The following SRGAP1 variants were observed in gnomAD, a reference collection of about 807,000 sequenced individuals.
SRGAP1 encodes SLIT-ROBO Rho GTPase activating protein 1.
Under a neutral mutation model 121.9 loss-of-function variants are expected in SRGAP1, and 43 were observed. The observed-to-expected ratio is 0.35, with a 90% CI of 0.28 to 0.46. The LOEUF (loss-of-function observed/expected upper bound fraction) is 0.46, where lower values mean the gene tolerates loss of function less well. SRGAP1 is among the 20% of genes least tolerant of loss of function. SRGAP1 has a pLI of 1.00. For missense variants in SRGAP1, 1,102 were observed against 1,350.9 expected (o/e 0.82, Z 2.89); for synonymous variants, 447 against 485.4 (o/e 0.92, Z 1.04).
rs1592364938 is a variant in SRGAP1, at chr12:64,147,731, T to G, written c.*5059T>G. 1.3e-5 allele frequency: 5 copies of G among 398,552 alleles called. No homozygotes were observed. The East Asian group carries it at 1.4e-4, about 11-fold the overall frequency. The allele number at this position is 398,552 out of a possible 1,614,324, so 24.7% of individuals were successfully genotyped here. ...AATCTGTTGTGACAATGCACTTTTATGTATAGTACTGTACATTTTTGGCAT... is the reference window on the plus strand; with the variant it reads ...AATCTGTTGTGACAATGCACTTTTAGGTATAGTACTGTACATTTTTGGCAT... On this transcript the variant is annotated 3_prime_UTR_variant, in exon 22 of 22. Coordinates refer to ENST00000355086, the MANE Select transcript of SRGAP1 (RefSeq NM_020762.4).
chr12:63,860,683 A>G (rs955190076), intron 1 of SRGAP1, among the ~76,000 whole-genome samples: 2 of 151,834 alleles, frequency 1.3e-5, no homozygotes, highest in African/African-American at 4.8e-5. Context: ...CTCTTTTTTC[A>G]TTGATTGACT....
At chr12:63,866,748 T>C (rs1899648130) in intron 1 of SRGAP1, among the ~76,000 whole-genome samples, 1 of 151,620 alleles carries the variant, frequency 6.6e-6, no homozygotes, top group South Asian at 2.1e-4. Flanking sequence ...TTTTTTTTGC[T>C]CAACAATGTG....
At chr12:64,110,596 C>T (rs2036416317) in intron 16 of SRGAP1, among the ~76,000 whole-genome samples, 1 of 152,156 alleles carries the variant, frequency 6.6e-6, no homozygotes, top group African/African-American at 2.4e-5. Flanking sequence ...CAAGCCAGCA[C>T]TAAAGACCCA....
intron 6 of SRGAP1, among the ~76,000 whole-genome samples, chr12:64,049,672 G>T (rs1044108519): frequency 2.0e-5 from 3 of 152,140 alleles, no homozygotes; most frequent in Non-Finnish European, 4.4e-5. Flanking sequence ...TGTTGAAAAC[G>T]AGTTCACTGT....
chr12:63,874,211 CTT>C (rs1003967859), intron 1 of SRGAP1, among the ~76,000 whole-genome samples: 2 of 148,604 alleles, frequency 1.3e-5, no homozygotes, highest in African/African-American at 4.9e-5. Flanking sequence ...AAGTATGACT[CTT>C]TTTTTTTTGA....
At chr12:64,079,789 AG>A (rs1350983643) in intron 9 of SRGAP1, among the ~76,000 whole-genome samples, 2 of 152,136 alleles carry the variant, frequency 1.3e-5, no homozygotes, top group African/African-American at 4.8e-5. Context: ...CTGGTACAGA[AG>A]GAACCTGAGA....
At chr12:64,130,494 T>C (rs1271480498) in intron 21 of SRGAP1, among the ~76,000 whole-genome samples, 1 of 152,160 alleles carries the variant, frequency 6.6e-6, no homozygotes, top group Non-Finnish European at 1.5e-5. Flanking sequence ...GAATCCTGGC[T>C]ATGGGAGAAA....
chr12:63,889,838 G>A (rs1434732769), intron 1 of SRGAP1, among the ~76,000 whole-genome samples: 1 of 151,998 alleles, frequency 6.6e-6, no homozygotes, highest in Non-Finnish European at 1.5e-5. Context: ...ACCCCGGGAG[G>A]CAGCGGTTGC....
intron 1 of SRGAP1, among the ~76,000 whole-genome samples, chr12:63,851,575 T>TTTTCTTTCTTTCTTTC (rs200974709): frequency 6.6e-6 from 1 of 151,504 alleles, no homozygotes; most frequent in East Asian, 2.0e-4. Context: ...TGTTGTCTTC[T>TTTTCTTTCTTTCTTTC]TTTCTTTCTT....
At chr12:63,890,269 A>G (rs532445839) in intron 1 of SRGAP1, among the ~76,000 whole-genome samples, 6 of 152,192 alleles carry the variant, frequency 3.9e-5, no homozygotes, top group Non-Finnish European at 8.8e-5. Context: ...TACTTTAGAA[A>G]CAAGTGTAGC....
rs374859779 is a variant in SRGAP1, at chr12:63,984,166, C to G, written c.263+24C>G. ...AAGTAAGAGATTTGAATCTAATTCA[C>G]CTTTCCAAGGGTGATATCCATACTG... On this transcript the variant is annotated intron_variant, in intron 2 of 21. Coordinates refer to ENST00000355086, the MANE Select transcript of SRGAP1 (RefSeq NM_020762.4). 26 of 1,358,194 alleles carry G rather than the reference C, an allele frequency of 1.9e-5. No homozygotes were observed. The African/African-American group carries it at 3.8e-4, about 20-fold the overall frequency. The allele number at this position is 1,358,194 out of a possible 1,614,324, so 84.1% of individuals were successfully genotyped here. A position where few individuals can be genotyped will look rare whatever the true frequency, so the allele number is the denominator to read the frequency against.
intron 1 of SRGAP1, among the ~76,000 whole-genome samples, chr12:63,846,675 C>T (rs1898912147): frequency 6.6e-6 from 1 of 152,198 alleles, no homozygotes; most frequent in Admixed American, 6.5e-5. Context: ...CTTCCTTCCA[C>T]ACACCCACGA....
At chr12:63,973,750 A>AT (rs937848187) in intron 1 of SRGAP1, among the ~76,000 whole-genome samples, 5 of 151,952 alleles carry the variant, frequency 3.3e-5, no homozygotes, top group Non-Finnish European at 5.9e-5. Context: ...AAAGTTTTTC[A>AT]TTTTTTTTCT....
Position 64,043,555 on chromosome 12 carries a change from G to T in SRGAP1, c.781G>T (p.Asp261Tyr). ...NASVFKYYIH[D>Y]LSDLIDCCDL... is the part of the protein sequence containing the mutation. The stretch of plus-strand genomic sequence containing the variant: ...CTCAGTTTTCAAGTACTATATTCAT[G>T]ATCTTTCTGATTTAATTGATGTGAG... Residue 261 changes from aspartate to tyrosine, a missense_variant, in exon 6 of 22, where the codon GAT (aspartate) becomes TAT (tyrosine). Transcript: ENST00000355086. 2 of 1,607,424 alleles carry T rather than the reference G, an allele frequency of 1.2e-6. No individual in the cohort carries two copies. Among genetic ancestry groups the T allele is most frequent in the Non-Finnish European group, 1.7e-6 (2 of 1,177,434 alleles).
At chr12:63,896,275 A>C (rs754161571) in intron 1 of SRGAP1, among the ~76,000 whole-genome samples, 3 of 152,212 alleles carry the variant, frequency 2.0e-5, no homozygotes, top group Admixed American at 6.5e-5. Context: ...GTGATGTATT[A>C]ATAATTTAGT....
At chr12:63,962,848 G>A (rs1489760136) in intron 1 of SRGAP1, among the ~76,000 whole-genome samples, 1 of 152,102 alleles carries the variant, frequency 6.6e-6, no homozygotes, top group Non-Finnish European at 1.5e-5. Context: ...TGCTGTCGGG[G>A]TAAAATGCAC....
chr12:63,882,073 G>T (rs953775101), intron 1 of SRGAP1, among the ~76,000 whole-genome samples: 2 of 152,192 alleles, frequency 1.3e-5, no homozygotes, highest in Non-Finnish European at 2.9e-5. Flanking sequence ...TATTAGGTTG[G>T]TGCAAAGTTA....
intron 1 of SRGAP1, among the ~76,000 whole-genome samples, chr12:63,942,887 T>C (rs1010390344): frequency 6.6e-6 from 1 of 152,222 alleles, no homozygotes; most frequent in Non-Finnish European, 1.5e-5. Context: ...ATAGGTTTTT[T>C]AAAAATAAAT....
intron 17 of SRGAP1, among the ~76,000 whole-genome samples, chr12:64,115,589 C>T (rs2036505220): frequency 1.3e-5 from 2 of 152,098 alleles, no homozygotes; most frequent in South Asian, 2.1e-4. Flanking sequence ...ATGAGACCCT[C>T]ATCTTTACAA....
Sources: gnomAD v4.1 joint callset for allele counts (sites outside exome capture counted in the v4.1 genomes callset) on GRCh38, gnomAD v4.1.1 for gene constraint, MANE v1.5 for transcripts, NCBI Gene and HGNC (gene_info 2026-07-23, HGNC 2026-07-21) for gene names.